Variants in FRMD4A observed in about 807,000 individuals in gnomAD.
FRMD4A encodes FERM domain-containing protein 4A.
A neutral mutation model predicts 129.1 loss-of-function variants in FRMD4A; 29 were observed. The observed-to-expected ratio is 0.22, with a 90% CI of 0.17 to 0.31. The LOEUF is 0.31. Among genes scored for constraint, FRMD4A ranks in the 10% least tolerant of loss-of-function variants. FRMD4A has a pLI of 1.00. For missense variants in FRMD4A, 1,272 were observed against 1,375.8 expected (o/e 0.92, Z 1.19); for synonymous variants, 634 against 571.6 (o/e 1.11, Z -1.56).
chr10:13,797,616 C>T (rs891354320), intron 4 of FRMD4A, among the ~76,000 whole-genome samples: 1 of 152,142 alleles, frequency 6.6e-6, no homozygotes, highest in African/African-American at 2.4e-5. Context: ...CTTTCCTTTC[C>T]CTCCTCTCTG....
intron 13 of FRMD4A, among the ~76,000 whole-genome samples, chr10:13,704,380 A>G (rs1433737773): frequency 6.6e-6 from 1 of 152,112 alleles, no homozygotes; most frequent in Non-Finnish European, 1.5e-5. Context: ...TTTGCCTGGG[A>G]CGAGACAGCT....
intron 2 of FRMD4A, among the ~76,000 whole-genome samples, chr10:14,114,332 C>T (rs1012286100): frequency 6.6e-6 from 1 of 152,182 alleles, no homozygotes; most frequent in South Asian, 2.1e-4. Context: ...CAGCTGGGGT[C>T]CCAGGGCTCA....
chr10:13,920,353 T>C (rs2095057827), intron 2 of FRMD4A, among the ~76,000 whole-genome samples: 1 of 152,246 alleles, frequency 6.6e-6, no homozygotes, highest in Admixed American at 6.5e-5. Flanking sequence ...AAAGCTATGA[T>C]GAGGTTCTTG....
rs147522630 is a variant in FRMD4A at position 14,005,801 on chromosome 10, C to T, written c.46-146889G>A. 4.1e-3 allele frequency among the ~76,000 whole-genome samples: 626 copies of T among 152,302 alleles called. 4 individuals are homozygous for T. The highest frequency in any genetic ancestry group is 0.015 in the African/African-American group (603 of 41,578). ...CCATAAAGAAGATTAAAACTCTCCA[C>T]GCCTTGGTTTCCCTGTTTATACAGG... is the stretch of plus-strand genomic sequence containing the variant. On this transcript the variant is annotated intron_variant, in intron 2 of 24. Transcript: ENST00000357447.
At position 13,890,589 on chromosome 10, in the gene FRMD4A, G is replaced by A. The variant is rs534434433; in HGVS notation, c.46-31677C>T. The A allele has an allele frequency of 4.0e-4, 398 of 985,052 alleles. 2 individuals are homozygous for A. The highest frequency in any genetic ancestry group is 5.2e-4 in the Middle Eastern group (1 of 1,936). The allele number at this position is 985,052 out of a possible 1,614,324, so 61.0% of individuals were successfully genotyped here. ...CACTGACCAGCTCAGACTTAGAAAT[G>A]TGCCTGTCTAGGTTTTCAGAGCAAC... On this transcript the variant is annotated intron_variant, in intron 2 of 24. Transcript: ENST00000357447.
chr10:13,833,721 C>T (rs2093826474), intron 3 of FRMD4A, among the ~76,000 whole-genome samples: 2 of 151,986 alleles, frequency 1.3e-5, no homozygotes, highest in Admixed American at 1.3e-4. Context: ...TCTCGTAAGT[C>T]TTTACAAGAG....
At chr10:13,650,823 G>A (rs777749511) in intron 24 of FRMD4A, among the ~76,000 whole-genome samples, 37 of 152,130 alleles carry the variant, frequency 2.4e-4, no homozygotes, top group Non-Finnish European at 4.9e-4. Flanking sequence ...GATGGTCTCT[G>A]TCTCCACCTG....
At chr10:13,813,166 C>T (rs1426663569) in intron 3 of FRMD4A, among the ~76,000 whole-genome samples, 6 of 152,336 alleles carry the variant, frequency 3.9e-5, no homozygotes, top group South Asian at 2.1e-4. Context: ...AGGTAGTGGC[C>T]GGGCGCCATG....
chr10:14,202,889 C>T (rs1471647328), intron 2 of FRMD4A, among the ~76,000 whole-genome samples: 1 of 152,182 alleles, frequency 6.6e-6, no homozygotes, highest in Non-Finnish European at 1.5e-5. Context: ...CCTCCCACTT[C>T]AGCCTCCACA....
intron 2 of FRMD4A, among the ~76,000 whole-genome samples, chr10:14,070,313 C>T (rs1418813439): frequency 6.6e-6 from 1 of 152,198 alleles, no homozygotes; most frequent in Admixed American, 6.5e-5. Flanking sequence ...TAAACTCTCA[C>T]AAATTGTAAT....
chr10:14,167,168 A>G (rs935058257), intron 2 of FRMD4A, among the ~76,000 whole-genome samples: 7 of 152,200 alleles, frequency 4.6e-5, no homozygotes, highest in Admixed American at 4.6e-4. Flanking sequence ...TGACTATATG[A>G]AAGTATGAAA....
Position 14,185,903 on chromosome 10 carries a change from G to A in FRMD4A, c.45+144155C>T, listed in dbSNP as rs920271878. 2.0e-5 allele frequency among the ~76,000 whole-genome samples: 3 copies of A among 152,296 alleles called. No individual in the cohort carries two copies. In the East Asian group the frequency reaches 5.8e-4, roughly 29 times the overall value. On this transcript the variant is annotated intron_variant, in intron 2 of 24. Transcript: ENST00000357447. ...AGTGGTAACAGCAACAGGGCAGAGA[G>A]AGACTGGGCAGGAACTGCAAAGATG...
At chr10:13,716,455 C>T (rs944962175) in intron 12 of FRMD4A, among the ~76,000 whole-genome samples, 3 of 152,212 alleles carry the variant, frequency 2.0e-5, no homozygotes, top group African/African-American at 7.2e-5. Context: ...ATCACTTGCA[C>T]TGAAAGAGGC....
intron 2 of FRMD4A, among the ~76,000 whole-genome samples, chr10:13,904,992 CAAA>C (rs397772526): frequency 9.1e-6 from 1 of 109,436 alleles, no homozygotes; most frequent in Non-Finnish European, 1.8e-5. Flanking sequence ...GACTCTATCT[CAAA>C]AAAAAAAAAA....
intron 2 of FRMD4A, among the ~76,000 whole-genome samples, chr10:13,969,716 T>C (rs2095506453): frequency 6.6e-6 from 1 of 151,028 alleles, no homozygotes; most frequent in Non-Finnish European, 1.5e-5. Flanking sequence ...TAGCTGAGCA[T>C]GGTGACATGG....
At chr10:13,978,604 A>G (rs562479484) in intron 2 of FRMD4A, among the ~76,000 whole-genome samples, 99 of 152,260 alleles carry the variant, frequency 6.5e-4, no homozygotes, top group African/African-American at 2.2e-3. Flanking sequence ...ATCCCAAGGC[A>G]TTTCAGGATT....
At position 13,724,111 on chromosome 10, in the gene FRMD4A, G is replaced by A. The variant is rs909013163; in HGVS notation, c.759+13733C>T. Among the ~76,000 whole-genome samples, 4 of 152,280 alleles carry A rather than the reference G, an allele frequency of 2.6e-5. No individual in the cohort carries two copies. The East Asian group carries it at 5.8e-4, about 22-fold the overall frequency. On this transcript the variant is annotated intron_variant, in intron 12 of 24. Coordinates refer to ENST00000357447, the MANE Select transcript of FRMD4A (RefSeq NM_018027.5). Reference sequence around the variant, plus strand: ...GGGAGATAAAAGAGATTTGTCAGCCGGGCGCGGTGGCTCAGGCCTGTAATC... The same window carrying A: ...GGGAGATAAAAGAGATTTGTCAGCCAGGCGCGGTGGCTCAGGCCTGTAATC...
chr10:14,327,105 C>T (rs1288522185), intron 2 of FRMD4A: 4 of 396,960 alleles, frequency 1.0e-5, no homozygotes, highest in African/African-American at 6.2e-5. Flanking sequence ...TGACCGCAAC[C>T]CAGCCCTAGC....
chr10:14,288,668 A>G (rs953488824), intron 2 of FRMD4A, among the ~76,000 whole-genome samples: 4 of 152,232 alleles, frequency 2.6e-5, no homozygotes, highest in Non-Finnish European at 5.9e-5. Context: ...AATATTTTTA[A>G]TTGTTAACAA....
Sources: allele counts gnomAD v4.1 joint callset (sites outside exome capture counted in the v4.1 genomes callset), GRCh38; gene constraint gnomAD v4.1.1; transcripts MANE v1.5; gene names NCBI Gene and HGNC (gene_info 2026-07-23, HGNC 2026-07-21).